The following C9orf50 variants were observed in gnomAD, a reference collection of about 807,000 sequenced individuals.
The protein encoded by C9orf50 is uncharacterized protein C9orf50.
A neutral mutation model predicts 42.5 loss-of-function variants in C9orf50; 33 were observed. That is an observed-to-expected ratio of 0.78 (90% CI 0.59 to 1.04). The LOEUF is 1.04. Ranked by LOEUF, C9orf50 falls within the 50% of genes least tolerant of loss-of-function variation. The pLI is 0.00. For missense variants in C9orf50, 547 were observed against 594.3 expected (o/e 0.92, Z 0.83); for synonymous variants, 257 against 273.4 (o/e 0.94, Z 0.59).
Position 129,620,326 on chromosome 9 carries a change from CA to C in C9orf50, c.248del (p.Leu83CysfsTer61). ...GCACGGCCCGCCGGGTCGCGGTGAG[CA>C]AGGCGGGCAGGCGCGGCGGGAGGCG... On this transcript the variant is annotated frameshift_variant, in exon 1 of 7. Coordinates refer to ENST00000372478, the Ensembl canonical transcript of C9orf50. LOFTEE classifies it high-confidence loss of function. The surrounding 1 kb of genome is among the most constrained non-coding windows in gnomAD (Gnocchi z 5.8). 1 of 1,235,306 alleles carries C rather than the reference CA, an allele frequency of 8.1e-7. No individual in the cohort carries two copies. The highest frequency in any genetic ancestry group is 1.0e-6 in the Non-Finnish European group (1 of 988,422). The allele number at this position is 1,235,306 out of a possible 1,614,324, so 76.5% of individuals were successfully genotyped here.
In C9orf50 at chr9:129,613,513, T is replaced by G. The variant is rs757643011; in HGVS notation, c.965A>C (p.Glu322Ala). 6.2e-7 allele frequency: 1 copy of G among 1,613,950 alleles called. No individual in the cohort carries two copies. Among genetic ancestry groups the G allele is most frequent in the African/African-American group, 1.3e-5 (1 of 74,898 alleles). Residue 322 changes from glutamate (E) to alanine (A), a missense_variant, in exon 5 of 7, where the codon GAG (glutamate) becomes GCG (alanine). Glu to Ala is a moderately radical substitution (Grantham distance 107). Around this residue, in one of 3 missense-constraint regions of C9orf50, gnomAD observed 334 missense variants for 323.7 expected, o/e 1.03. Transcript: ENST00000372478. The surrounding 1 kb of genome is among the most constrained non-coding windows in gnomAD (Gnocchi z 6.2). ...AGGGTACAGGGCTTTGGGCAAACTCTCCAGCCGTTTTCCGACACTCCCAAA... is the reference window on the plus strand; with the variant it reads ...AGGGTACAGGGCTTTGGGCAAACTCGCCAGCCGTTTTCCGACACTCCCAAA...
chr9:129,619,836 G>A lies in C9orf50; in HGVS notation c.509-6C>T, dbSNP rs765571905. ...ATGTTGCGGTGCTGGGGATGCTGGAGCCAGGAGGAAACAGTTGTGAGCCTT... is the reference window on the plus strand; with the variant it reads ...ATGTTGCGGTGCTGGGGATGCTGGAACCAGGAGGAAACAGTTGTGAGCCTT... On this transcript the variant is annotated splice_region_variant and splice_polypyrimidine_tract_variant and intron_variant, in intron 1 of 6. Transcript: ENST00000372478. 1.1e-5 allele frequency: 17 copies of A among 1,613,976 alleles called. No homozygotes were observed. Among genetic ancestry groups the A allele is most frequent in the Non-Finnish European group, 1.4e-5 (16 of 1,179,838 alleles).
At chr9:129,619,776 G>A in exon 2 of C9orf50, 1 of 1,614,080 alleles carries the variant, frequency 6.2e-7, no homozygotes, top group Non-Finnish European at 8.5e-7. Context: ...GGGACACCGC[G>A]GAGACCCTGG....
rs374732466 is a variant in C9orf50, at chr9:129,613,447, T to C, written c.1031A>G (p.Asp344Gly). The change falls in exon 5 of 7, where the codon GAC becomes GGC. Residue 344 changes from aspartate (D) to glycine (G), a missense_variant. Coordinates refer to ENST00000372478, the Ensembl canonical transcript of C9orf50. The surrounding 1 kb of genome is among the most constrained non-coding windows in gnomAD (Gnocchi z 6.2). The stretch of plus-strand genomic sequence containing the variant: ...CCTGGAGCCTCACAGGCCAGCGCAG[T>C]CCCAACACGAGGAGCTGGCCAGGGT... 8 of 1,613,716 alleles carry C rather than the reference T, an allele frequency of 5.0e-6. No individual in the cohort carries two copies. Among genetic ancestry groups the C allele is most frequent in the Non-Finnish European group, 6.8e-6 (8 of 1,179,978 alleles).
Position 129,613,577 on chromosome 9 carries a change from T to C in C9orf50, c.901A>G (p.Asn301Asp). Reference sequence around the variant, plus strand: ...GCCACTGGCAGGGCGGCCTTCTGGTTCACAATGACGCTCTGTTGGACTGCA... The same window carrying C: ...GCCACTGGCAGGGCGGCCTTCTGGTCCACAATGACGCTCTGTTGGACTGCA... Residue 301 changes from asparagine to aspartate, a missense_variant, in exon 5 of 7, where the codon AAC (asparagine) becomes GAC (aspartate). Coordinates refer to ENST00000372478, the Ensembl canonical transcript of C9orf50. The surrounding 1 kb of genome is among the most constrained non-coding windows in gnomAD (Gnocchi z 6.2). The C allele has an allele frequency of 6.2e-7, 1 of 1,614,154 alleles. No homozygotes were observed. The highest frequency in any genetic ancestry group is 8.5e-7 in the Non-Finnish European group (1 of 1,180,020).
At chr9:129,615,721 C>T (rs990085421) in intron 3 of C9orf50, 74 bp from the exon 4 acceptor site, 27 of 1,430,722 alleles carry the variant, frequency 1.9e-5, no homozygotes, top group East Asian at 2.5e-5. Flanking sequence ...GCCCCAGACT[C>T]GCTGTGAGAT....
chr9:129,617,528 G>A (rs907317190), intron 3 of C9orf50, among the ~76,000 whole-genome samples: 1 of 152,240 alleles, frequency 6.6e-6, no homozygotes, highest in African/African-American at 2.4e-5. Context: ...GCTCTTGAAT[G>A]TGAAAGTCTG....
chr9:129,613,146 G>A lies in C9orf50; in HGVS notation c.1149C>T (p.Ser383=). 1 of 1,613,862 alleles carries A rather than the reference G, an allele frequency of 6.2e-7. No homozygotes were observed. The highest frequency in any genetic ancestry group is 1.7e-4 in the Middle Eastern group (1 of 6,060). Residue 383 remains serine (S), a synonymous_variant, in exon 6 of 7, where the codon AGC becomes AGT. Coordinates refer to ENST00000372478, the Ensembl canonical transcript of C9orf50. This position sits in a 1 kb window ranked among gnomAD's most constrained non-coding sequence, Gnocchi z 6.2. ...TGTGCGGGTCCAAGAAGGCTCGGAGGCTGCTTCGCGGCCTCTGAGCAGCGG... is the reference window on the plus strand; with the variant it reads ...TGTGCGGGTCCAAGAAGGCTCGGAGACTGCTTCGCGGCCTCTGAGCAGCGG...
Position 129,620,025 on chromosome 9 carries a change from G to T in C9orf50, c.508+42C>A. The stretch of plus-strand genomic sequence containing the variant: ...GGACACAAGGGACCACCCCCCACCG[G>T]AAATGACTCGGGCCCGCCCCCCGGG... On this transcript the variant is annotated intron_variant, in intron 1 of 6. Coordinates refer to ENST00000372478, the Ensembl canonical transcript of C9orf50. The surrounding 1 kb of genome is among the most constrained non-coding windows in gnomAD (Gnocchi z 5.8). The T allele has an allele frequency of 6.9e-7, 1 of 1,457,164 alleles. No homozygotes were observed. The highest frequency in any genetic ancestry group is 1.4e-5 in the South Asian group (1 of 69,776). The allele number at this position is 1,457,164 out of a possible 1,614,324, so 90.3% of individuals were successfully genotyped here. A position where few individuals can be genotyped will look rare whatever the true frequency, so the allele number is the denominator to read the frequency against.
At chr9:129,621,826 C>T (rs1339626167), upstream of C9orf50, among the ~76,000 whole-genome samples, 1 of 152,204 alleles carries the variant, frequency 6.6e-6, no homozygotes, top group Non-Finnish European at 1.5e-5. Context: ...GTGTCACACT[C>T]ACCCTGGTGG....
Position 129,613,599 on chromosome 9 carries a change from T to G in C9orf50, c.881-2A>C. 1.9e-6 allele frequency: 3 copies of G among 1,614,084 alleles called. No homozygotes were observed. Among genetic ancestry groups the G allele is most frequent in the Non-Finnish European group, 2.5e-6 (3 of 1,180,004 alleles). On this transcript the variant is annotated splice_acceptor_variant, in intron 4 of 6. Transcript: ENST00000372478. LOFTEE classifies it high-confidence loss of function. The surrounding 1 kb of genome is among the most constrained non-coding windows in gnomAD (Gnocchi z 6.2). ...GGTTCACAATGACGCTCTGTTGGAC[T>G]GCAGGAAAGAGGGCAGGGTGAGATC...
upstream of C9orf50, among the ~76,000 whole-genome samples, chr9:129,621,644 A>G (rs2118898884): frequency 6.6e-6 from 1 of 152,330 alleles, no homozygotes; most frequent in East Asian, 1.9e-4. Flanking sequence ...CTGGGATCAC[A>G]GGCGTGAGTC....
chr9:129,612,503 G>A, intron 6 of C9orf50, 49 bp from the exon 7 acceptor site: 1 of 1,451,098 alleles, frequency 6.9e-7, no homozygotes, highest in Non-Finnish European at 9.6e-7. Flanking sequence ...CCTCGGGGCA[G>A]GGGACTGGGC....
intron 3 of C9orf50, among the ~76,000 whole-genome samples, chr9:129,616,100 A>T (rs1048367680): frequency 1.3e-5 from 2 of 152,186 alleles, no homozygotes; most frequent in Non-Finnish European, 2.9e-5. Context: ...TGTCTGTAAA[A>T]TGGGAATCAT....
chr9:129,612,887 G>A lies in C9orf50; in HGVS notation c.1188+220C>T, dbSNP rs1045488089. Among the ~76,000 whole-genome samples the A allele has an allele frequency of 3.9e-5, 6 of 152,054 alleles. No homozygotes were observed. The South Asian group carries it at 8.3e-4, about 21-fold the overall frequency. On this transcript the variant is annotated intron_variant, in intron 6 of 6. Coordinates refer to ENST00000372478, the Ensembl canonical transcript of C9orf50. The stretch of plus-strand genomic sequence containing the variant: ...GGAGATGCAGAAAGGAACTGTGATC[G>A]GAACCCAGGCACCTGGCTTAGAGCC...
chr9:129,620,468 G>T lies in C9orf50; in HGVS notation c.107C>A (p.Thr36Asn). The T allele has an allele frequency of 7.4e-7, 1 of 1,353,038 alleles. No individual in the cohort carries two copies. Among genetic ancestry groups the T allele is most frequent in the Non-Finnish European group, 9.5e-7 (1 of 1,049,006 alleles). 83.8% of individuals were successfully genotyped at this position (1,353,038 alleles called of 1,614,324 possible). Reference sequence around the variant, plus strand: ...CAGAGCCGCTCGGAGCGCGGGCGGGGTCAGCTTGGGCAGCCGCGGGTCGCT... The same window carrying T: ...CAGAGCCGCTCGGAGCGCGGGCGGGTTCAGCTTGGGCAGCCGCGGGTCGCT... The change falls in exon 1 of 7, where the codon ACC (threonine) becomes AAC (asparagine). Residue 36 changes from threonine to asparagine, a missense_variant. Thr to Asn is a moderately conservative substitution (Grantham distance 65). Transcript: ENST00000372478. The surrounding 1 kb of genome is among the most constrained non-coding windows in gnomAD (Gnocchi z 5.8).
rs547222193 is a variant in C9orf50 at position 129,620,432 on chromosome 9, C to G, written c.143G>C (p.Gly48Ala). ...CCCCGGGATCCTCCAGTCCCCGGAG[C>G]CCCGCGCGCCCAGAGCCGCTCGGAG... Residue 48 changes from glycine (G) to alanine (A), a missense_variant, in exon 1 of 7, where the codon GGC becomes GCC. Around this residue, in one of 3 missense-constraint regions of C9orf50, gnomAD observed 105 missense variants for 98.5 expected, o/e 1.07. Transcript: ENST00000372478. This position sits in a 1 kb window ranked among gnomAD's most constrained non-coding sequence, Gnocchi z 5.8. 1,801 of 1,265,928 alleles carry G rather than the reference C, an allele frequency of 1.4e-3. 28 individuals carry two copies. In the African/African-American group the frequency reaches 0.025, roughly 18 times the overall value. The allele number at this position is 1,265,928 out of a possible 1,614,324, so 78.4% of individuals were successfully genotyped here.
chr9:129,620,511 C>G lies in C9orf50; in HGVS notation c.64G>C (p.Gly22Arg), dbSNP rs56148509. ...GGGTCGCTGCTGCGTCGGAAGTCTCCGTCGCCAGGGAGCCCCTTGGGCGCC... is the reference window on the plus strand; with the variant it reads ...GGGTCGCTGCTGCGTCGGAAGTCTCGGTCGCCAGGGAGCCCCTTGGGCGCC... The change falls in exon 1 of 7, where the codon GGA becomes CGA. Residue 22 changes from glycine to arginine, a missense_variant. Gly to Arg is a moderately radical substitution (Grantham distance 125). Transcript: ENST00000372478. This position sits in a 1 kb window ranked among gnomAD's most constrained non-coding sequence, Gnocchi z 5.8. The G allele has an allele frequency of 3.5e-6, 5 of 1,438,594 alleles. No homozygotes were observed. The highest frequency in any genetic ancestry group is 4.6e-6 in the Non-Finnish European group (5 of 1,094,092). The allele number at this position is 1,438,594 out of a possible 1,614,324, so 89.1% of individuals were successfully genotyped here.
rs997285786 is a variant in C9orf50, at chr9:129,615,477, T to A, written c.880+7A>T. 3 of 1,580,650 alleles carry A rather than the reference T, an allele frequency of 1.9e-6. No individual in the cohort carries two copies. The African/African-American group carries it at 4.1e-5, about 21-fold the overall frequency. Reference sequence around the variant, plus strand: ...GAGTCTCGAGGCTCCCCATCCTGTCTGCTTACCTGAGCGTCTGCGCTCCCA... The same window carrying A: ...GAGTCTCGAGGCTCCCCATCCTGTCAGCTTACCTGAGCGTCTGCGCTCCCA... On this transcript the variant is annotated splice_region_variant and intron_variant, in intron 4 of 6. Transcript: ENST00000372478.
Sources: allele counts gnomAD v4.1 joint callset (sites outside exome capture counted in the v4.1 genomes callset), GRCh38; gene constraint gnomAD v4.1.1; regional missense constraint gnomAD v4.1.1; non-coding constraint Gnocchi (gnomAD v3.1); transcripts MANE v1.5; gene names NCBI Gene and HGNC (gene_info 2026-07-23, HGNC 2026-07-21).